The following ASCC1 variants were observed in gnomAD, a reference collection of about 807,000 sequenced individuals.
The protein encoded by ASCC1 is activating signal cointegrator 1 complex subunit 1.
In ASCC1, 35 loss-of-function variants were observed where a neutral mutation model predicts 46.6. That is an observed-to-expected ratio of 0.75 (90% CI 0.57 to 0.99). The LOEUF is 0.99. ASCC1 is among the 50% of genes least tolerant of loss of function. ASCC1 has a pLI of 0.00. For missense variants in ASCC1, 376 were observed against 428.7 expected (o/e 0.88, Z 1.09); for synonymous variants, 143 against 146.6 (o/e 0.98, Z 0.18).
chr10:72,144,003 CTTTTT>C (rs889715141), intron 7 of ASCC1, among the ~76,000 whole-genome samples: 1 of 147,328 alleles, frequency 6.8e-6, no homozygotes, highest in Non-Finnish European at 1.5e-5. Context: ...TTCTTTCTTT[CTTTTT>C]TTTTTAACAG....
rs146222278 is a variant in ASCC1, at chr10:72,096,164, G to C, written c.*1170C>G. On this transcript the variant is annotated 3_prime_UTR_variant, in exon 10 of 10. Coordinates refer to ENST00000672957, the MANE Select transcript of ASCC1 (RefSeq NM_001198800.3). Reference sequence around the variant, plus strand: ...CAGTTAAAGAATATAAAGAGAGAAAGAATCAAGGCAAGAATAAGGAAGGAG... The same window carrying C: ...CAGTTAAAGAATATAAAGAGAGAAACAATCAAGGCAAGAATAAGGAAGGAG... 7.2e-4 allele frequency: 329 copies of C among 454,142 alleles called. 1 individual carries two copies. Among genetic ancestry groups the C allele is most frequent in the Middle Eastern group, 3.4e-3 (5 of 1,452 alleles). The allele number at this position is 454,142 out of a possible 1,614,324, so 28.1% of individuals were successfully genotyped here.
At chr10:72,108,594 C>A (rs922429710) in intron 9 of ASCC1, among the ~76,000 whole-genome samples, 1 of 152,152 alleles carries the variant, frequency 6.6e-6, no homozygotes, top group Non-Finnish European at 1.5e-5. Context: ...CCATTCCCAG[C>A]TTTTCACTTG....
At chr10:72,180,962 C>A (rs371505557) in intron 5 of ASCC1, 6 of 182,400 alleles carry the variant, frequency 3.3e-5, no homozygotes, top group African/African-American at 1.4e-4. Context: ...AAGCATTATT[C>A]TATTCATTTG....
intron 9 of ASCC1, among the ~76,000 whole-genome samples, chr10:72,101,688 G>T (rs1841779682): frequency 6.6e-6 from 1 of 152,094 alleles, no homozygotes; most frequent in African/African-American, 2.4e-5. Flanking sequence ...CTTTAGGGTA[G>T]GTTGGTGGCC....
chr10:72,151,979 G>A lies in ASCC1; in HGVS notation c.746+890C>T, dbSNP rs937905384. Among the ~76,000 whole-genome samples the A allele has an allele frequency of 6.0e-5, 8 of 133,026 alleles. 1 individual carries two copies. In the South Asian group the frequency reaches 1.3e-3, roughly 21 times the overall value. The allele number at this position is 133,026 out of a possible 152,430, so 87.3% of individuals were successfully genotyped here. A position where few individuals can be genotyped will look rare whatever the true frequency, so the allele number is the denominator to read the frequency against. On this transcript the variant is annotated intron_variant, in intron 7 of 9. Coordinates refer to ENST00000672957, the MANE Select transcript of ASCC1 (RefSeq NM_001198800.3). ...ACTGGGATTACAGGCGTGAGCCACC[G>A]CAACCGGCCAATATTTTTTTTTTTT...
chr10:72,210,531 A>G (rs1857925980), intron 3 of ASCC1, among the ~76,000 whole-genome samples: 1 of 152,228 alleles, frequency 6.6e-6, no homozygotes, highest in African/African-American at 2.4e-5. Context: ...GGCCTAACAC[A>G]AGAGGCAAAA....
intron 3 of ASCC1, among the ~76,000 whole-genome samples, chr10:72,207,050 A>G (rs1279777535): frequency 6.6e-6 from 1 of 152,132 alleles, no homozygotes; most frequent in Admixed American, 6.6e-5. Flanking sequence ...TCCTCATTAA[A>G]CCTATACTGG....
rs867089752 is a variant in ASCC1 at position 72,104,275 on chromosome 10, G to A, written c.958-6825C>T. On this transcript the variant is annotated intron_variant, in intron 9 of 9. Transcript: ENST00000672957. ...AACTCCCAAAGACTGAAATGAACAT[G>A]TTCTTTCACTTGCTGTTCCTATATT... is the stretch of plus-strand genomic sequence containing the variant. Among the ~76,000 whole-genome samples, 9 of 152,250 alleles carry A rather than the reference G, an allele frequency of 5.9e-5. 1 individual carries two copies. Among genetic ancestry groups the A allele is most frequent in the South Asian group, 4.1e-4 (2 of 4,828 alleles).
intron 5 of ASCC1, among the ~76,000 whole-genome samples, chr10:72,188,118 CTTCT>C (rs1340346838): frequency 6.8e-6 from 1 of 146,098 alleles, no homozygotes; most frequent in Non-Finnish European, 1.5e-5. Flanking sequence ...TCTAATACTT[CTTCT>C]TTTTTTTTTT....
chr10:72,139,499 G>A (rs1234477021), intron 7 of ASCC1, among the ~76,000 whole-genome samples: 2 of 152,038 alleles, frequency 1.3e-5, no homozygotes, highest in South Asian at 2.1e-4. Context: ...CTATGCCTTT[G>A]CTTCCTAATA....
intron 7 of ASCC1, among the ~76,000 whole-genome samples, chr10:72,138,103 G>A (rs887466040): frequency 2.6e-5 from 4 of 152,160 alleles, no homozygotes; most frequent in Non-Finnish European, 4.4e-5. Context: ...GCCCTCAAAC[G>A]ATCCACCTGC....
intron 3 of ASCC1, among the ~76,000 whole-genome samples, chr10:72,210,254 G>A (rs1857877498): frequency 6.6e-6 from 1 of 150,514 alleles, no homozygotes; most frequent in African/African-American, 2.5e-5. Flanking sequence ...CTGCCTCCCA[G>A]GTTCAAGTGA....
chr10:72,172,611 G>A (rs1486944600), intron 5 of ASCC1, among the ~76,000 whole-genome samples: 2 of 146,284 alleles, frequency 1.4e-5, no homozygotes, highest in Non-Finnish European at 3.0e-5. Context: ...CTCCCAAAGC[G>A]CTGGGATTAC....
chr10:72,100,415 C>T (rs1422433895), intron 9 of ASCC1, among the ~76,000 whole-genome samples: 11 of 151,960 alleles, frequency 7.2e-5, no homozygotes, highest in Admixed American at 3.3e-4. Context: ...TCAGTAGAGA[C>T]GGGGTTTCTC....
Position 72,097,210 on chromosome 10 carries a change from T to C in ASCC1, c.*124A>G. 1.3e-6 allele frequency: 1 copy of C among 777,596 alleles called. No individual in the cohort carries two copies. The highest frequency in any genetic ancestry group is 2.3e-6 in the Non-Finnish European group (1 of 427,230). The allele number at this position is 777,596 out of a possible 1,614,324, so 48.2% of individuals were successfully genotyped here. On this transcript the variant is annotated 3_prime_UTR_variant, in exon 10 of 10. Transcript: ENST00000672957. Reference sequence around the variant, plus strand: ...ACCATTAGAGGCAATGGTGAATCTATGGGGAACCACCCAGGAAAGTCACCA... The same window carrying C: ...ACCATTAGAGGCAATGGTGAATCTACGGGGAACCACCCAGGAAAGTCACCA...
chr10:72,103,139 C>T lies in ASCC1; in HGVS notation c.958-5689G>A, dbSNP rs569442412. Among the ~76,000 whole-genome samples the T allele has an allele frequency of 1.8e-4, 27 of 150,986 alleles. No individual in the cohort carries two copies. In the East Asian group the frequency reaches 5.1e-3, roughly 28 times the overall value. ...CGAAATAGATACTATGTTTTTTTTT[C>T]CTTTTTTTTTTGAGACAGAGTCTTG... On this transcript the variant is annotated intron_variant, in intron 9 of 9. Coordinates refer to ENST00000672957, the MANE Select transcript of ASCC1 (RefSeq NM_001198800.3).
intron 4 of ASCC1, 81 bp from the exon 5 acceptor site, chr10:72,197,070 T>C (rs1855546199): frequency 7.2e-7 from 1 of 1,390,902 alleles, no homozygotes; most frequent in Non-Finnish European, 1.0e-6. Context: ...CTGTCACCTC[T>C]GAGGAGCTAA....
chr10:72,114,882 C>T (rs1025496995), intron 9 of ASCC1, among the ~76,000 whole-genome samples: 8 of 152,096 alleles, frequency 5.3e-5, no homozygotes, highest in African/African-American at 1.9e-4. Flanking sequence ...ACGGATTCCA[C>T]CACAAGTACA....
At chr10:72,113,134 A>C (rs1843112416) in intron 9 of ASCC1, among the ~76,000 whole-genome samples, 1 of 152,210 alleles carries the variant, frequency 6.6e-6, no homozygotes, top group African/African-American at 2.4e-5. Context: ...TTAGTGTTTT[A>C]TATTTAGTAG....
Sources: allele counts gnomAD v4.1 joint callset (sites outside exome capture counted in the v4.1 genomes callset), GRCh38; gene constraint gnomAD v4.1.1; transcripts MANE v1.5; gene names NCBI Gene and HGNC (gene_info 2026-07-23, HGNC 2026-07-21).